LRGUK: variants seen among roughly 807,000 people sequenced by gnomAD.
The protein encoded by LRGUK is leucine rich repeats and guanylate kinase domain containing, also known as leucine-rich repeat and guanylate kinase domain-containing protein.
Under a neutral mutation model 76.0 loss-of-function variants are expected in LRGUK, and 65 were observed. That is an observed-to-expected ratio of 0.85 (90% CI 0.70 to 1.05). LRGUK has a LOEUF of 1.05. Among genes scored for constraint, LRGUK ranks in the 50% least tolerant of loss-of-function variants. The pLI is 0.00. For missense variants in LRGUK, 758 were observed against 732.8 expected (o/e 1.03, Z -0.40); for synonymous variants, 268 against 265.6 (o/e 1.01, Z -0.09).
At chr7:134,224,767 G>A (rs2117161219) in intron 16 of LRGUK, among the ~76,000 whole-genome samples, 2 of 152,070 alleles carry the variant, frequency 1.3e-5, no homozygotes, top group South Asian at 4.2e-4. Context: ...AGAGAGTGCT[G>A]GTTGGCTGGG....
chr7:134,211,577 A>G (rs940574640), downstream of LRGUK, among the ~76,000 whole-genome samples: 3 of 152,234 alleles, frequency 2.0e-5, no homozygotes, highest in Non-Finnish European at 4.4e-5. Flanking sequence ...TCTTGGCAAT[A>G]TGTTGCCTGA....
intron 19 of LRGUK, among the ~76,000 whole-genome samples, chr7:134,260,381 G>A (rs913006075): frequency 6.6e-6 from 1 of 152,102 alleles, no homozygotes; most frequent in African/African-American, 2.4e-5. Context: ...GATTCATTTT[G>A]TTCCTTTGAA....
At chr7:134,265,741 G>A (rs1048843875), downstream of LRGUK, among the ~76,000 whole-genome samples, 1 of 152,140 alleles carries the variant, frequency 6.6e-6, no homozygotes, top group Admixed American at 6.5e-5. Context: ...TTTAACCACT[G>A]CCCAATATTA....
intron 4 of LRGUK, 112 bp downstream of exon 4, chr7:134,143,274 C>G (rs1797843261): frequency 1.5e-6 from 1 of 679,554 alleles, no homozygotes; most frequent in African/African-American, 1.8e-5. Context: ...CAGAGGTAAG[C>G]AATGTAAGTG....
At chr7:134,164,430 C>A (rs1357693467) in intron 7 of LRGUK, among the ~76,000 whole-genome samples, 1 of 152,122 alleles carries the variant, frequency 6.6e-6, no homozygotes, top group Non-Finnish European at 1.5e-5. Flanking sequence ...CTTCAAAAAC[C>A]ACAGAAACTG....
chr7:134,206,273 T>C (rs1009350124), intron 15 of LRGUK, among the ~76,000 whole-genome samples: 18 of 152,172 alleles, frequency 1.2e-4, no homozygotes, highest in Non-Finnish European at 1.5e-5. Flanking sequence ...TCCCAGCACT[T>C]TGGAAGCCCG....
chr7:134,127,664 G>C, exon 1 of LRGUK: 1 of 1,611,298 alleles, frequency 6.2e-7, no homozygotes, highest in Non-Finnish European at 8.5e-7. Context: ...TGAATTTGGA[G>C]GTGTGTCTTC....
intron 16 of LRGUK, 92 bp from the exon 17 acceptor site, chr7:134,247,464 A>C: frequency 1.2e-6 from 1 of 809,574 alleles, no homozygotes. Context: ...CATATTTGTC[A>C]ATCTCTAGTA....
chr7:134,247,450 C>T (rs2117205391), intron 16 of LRGUK, 106 bp from the exon 17 acceptor site: 2 of 698,886 alleles, frequency 2.9e-6, no homozygotes, highest in East Asian at 2.9e-5. Context: ...CCTTTTTCTT[C>T]CCACATATTT....
intron 14 of LRGUK, among the ~76,000 whole-genome samples, chr7:134,200,024 A>ATT (rs1800698437): frequency 8.2e-6 from 1 of 121,826 alleles, no homozygotes; most frequent in Non-Finnish European, 1.7e-5. Context: ...ATATATATAT[A>ATT]TATATGTATA....
chr7:134,154,116 G>T (rs891299139), intron 5 of LRGUK, among the ~76,000 whole-genome samples: 6 of 152,164 alleles, frequency 3.9e-5, no homozygotes, highest in Non-Finnish European at 5.9e-5. Flanking sequence ...CACTTTAAAA[G>T]ATTTATTCAC....
chr7:134,260,193 A>G (rs904401243), intron 19 of LRGUK, among the ~76,000 whole-genome samples: 2 of 151,994 alleles, frequency 1.3e-5, no homozygotes, highest in Non-Finnish European at 2.9e-5. Flanking sequence ...ATATAACTAT[A>G]TATGATTGTA....
intron 16 of LRGUK, among the ~76,000 whole-genome samples, chr7:134,238,192 T>C (rs1802058304): frequency 6.6e-6 from 1 of 152,224 alleles, no homozygotes; most frequent in Non-Finnish European, 1.5e-5. Context: ...TAGTTTTTTG[T>C]TGTCTAAGCT....
At chr7:134,239,766 G>C (rs922693134) in intron 16 of LRGUK, among the ~76,000 whole-genome samples, 1 of 152,226 alleles carries the variant, frequency 6.6e-6, no homozygotes, top group Non-Finnish European at 1.5e-5. Context: ...GTGGGTCCCT[G>C]ACCCCCGAGT....
At chr7:134,195,727 C>CATATAT (rs149039525) in intron 12 of LRGUK, among the ~76,000 whole-genome samples, 1 of 149,840 alleles carries the variant, frequency 6.7e-6, no homozygotes, top group African/African-American at 2.5e-5. Context: ...GAGAGCCAGA[C>CATATAT]ATATATATAT....
rs760681368 is a variant in LRGUK, at chr7:134,199,142, C to T, written c.1546-78C>T. The T allele has an allele frequency of 4.3e-5, 46 of 1,082,020 alleles. 1 individual carries two copies. The highest frequency in any genetic ancestry group is 7.2e-5 in the East Asian group (3 of 41,684). 67.0% of individuals were successfully genotyped at this position (1,082,020 alleles called of 1,614,324 possible). On this transcript the variant is annotated intron_variant, in intron 13 of 15. Coordinates refer to ENST00000645682, the Ensembl canonical transcript of LRGUK. ...TATTAATAATACTACTTCTTATACCCATGTTGTCAGATGGCTCCAAAATGA... is the reference window on the plus strand; with the variant it reads ...TATTAATAATACTACTTCTTATACCTATGTTGTCAGATGGCTCCAAAATGA...
chr7:134,203,940 G>A (rs1013718193), intron 15 of LRGUK, among the ~76,000 whole-genome samples: 3 of 152,124 alleles, frequency 2.0e-5, no homozygotes, highest in Non-Finnish European at 4.4e-5. Flanking sequence ...TGGTCCCATC[G>A]GGTGGACCTG....
At chr7:134,144,670 A>G (rs1797896965) in intron 4 of LRGUK, among the ~76,000 whole-genome samples, 1 of 152,192 alleles carries the variant, frequency 6.6e-6, no homozygotes, top group Non-Finnish European at 1.5e-5. Context: ...AAATATGAAA[A>G]TCTGTTTGAA....
intron 5 of LRGUK, among the ~76,000 whole-genome samples, chr7:134,151,124 A>G (rs1242713292): frequency 6.6e-6 from 1 of 152,328 alleles, no homozygotes; most frequent in East Asian, 1.9e-4. Flanking sequence ...TGTGCATGAT[A>G]CAGGTGGTGA....
Sources: gnomAD v4.1 joint callset for allele counts (sites outside exome capture counted in the v4.1 genomes callset) on GRCh38, gnomAD v4.1.1 for gene constraint, MANE v1.5 for transcripts, NCBI Gene and HGNC (gene_info 2026-07-23, HGNC 2026-07-21) for gene names.